ZNF595: variants seen among roughly 807,000 people sequenced by gnomAD.
The protein encoded by ZNF595 is zinc finger protein 595.
Under a neutral mutation model 19.4 loss-of-function variants are expected in ZNF595, and 9 were observed. The ratio of observed to expected loss-of-function variants is 0.46; its 90% CI spans 0.28 to 0.81. ZNF595 has a LOEUF of 0.81. Among genes scored for constraint, ZNF595 ranks in the 30% least tolerant of loss-of-function variants. The pLI is 0.11. For synonymous variants in ZNF595, 255 were observed against 255.9 expected (o/e 1.00, Z 0.03); for missense variants, 729 against 736.0 (o/e 0.99, Z 0.11).
At chr4:66,228 T>A (rs1312579434) in intron 3 of ZNF595, among the ~76,000 whole-genome samples, 1 of 151,718 alleles carries the variant, frequency 6.6e-6, no homozygotes, top group Non-Finnish European at 1.5e-5. Context: ...CTCATTGTGG[T>A]TTTTCTTTAC....
chr4:79,419 C>G (rs971645815), intron 3 of ZNF595, among the ~76,000 whole-genome samples: 2 of 152,108 alleles, frequency 1.3e-5, no homozygotes, highest in Non-Finnish European at 2.9e-5. Flanking sequence ...GTGTAAATAT[C>G]TATTTGAAGT....
rs782445612 is a variant in ZNF595 at position 86,410 on chromosome 4, TAAG to T, written c.909_911del (p.Lys303del). 17 of 1,613,054 alleles carry T rather than the reference TAAG, an allele frequency of 1.1e-5. No homozygotes were observed. The highest frequency in any genetic ancestry group is 1.7e-4 in the Middle Eastern group (1 of 6,050). On this transcript the variant is annotated inframe_deletion, in exon 4 of 4. Coordinates refer to ENST00000610261, the MANE Select transcript of ZNF595 (RefSeq NM_182524.4). ...GATGGTCCACAAGCCTGAATGAACA[TAAG>T]AATATTCATACTGGAGAGAAACCCT...
In ZNF595 at chr4:86,033, G is replaced by C. The variant is rs782774827; in HGVS notation, c.529G>C (p.Glu177Gln). 1 of 1,610,330 alleles carries C rather than the reference G, an allele frequency of 6.2e-7. No individual in the cohort carries two copies. Among genetic ancestry groups the C allele is most frequent in the East Asian group, 2.2e-5 (1 of 44,738 alleles). Residue 177 changes from glutamate (E) to glutamine (Q), a missense_variant, in exon 4 of 4, where the codon GAA (glutamate) becomes CAA (glutamine). By Grantham distance (29) the Glu-to-Gln change is conservative (BLOSUM62 2). Transcript: ENST00000610261. ...TGGAGAGAAACCCTTTAAATGTACA[G>C]AATGTGGCAGATCGTTTTACATGTC... ...HTGEKPFKCTECGRSFYMSHL... is the reference protein window; with the variant it reads ...HTGEKPFKCTQCGRSFYMSHL...
chr4:77,746 T>C (rs1206291524), intron 3 of ZNF595, among the ~76,000 whole-genome samples: 1 of 152,162 alleles, frequency 6.6e-6, no homozygotes, highest in Non-Finnish European at 1.5e-5. Context: ...CTTCAAGAAC[T>C]TTATCAATAA....
chr4:69,673 C>A (rs1713347707), intron 3 of ZNF595, among the ~76,000 whole-genome samples: 2 of 152,226 alleles, frequency 1.3e-5, no homozygotes, highest in South Asian at 4.1e-4. Context: ...CATGTTTTCT[C>A]TAATTTTGTG....
At chr4:76,782 A>G (rs1713681151) in intron 3 of ZNF595, among the ~76,000 whole-genome samples, 1 of 152,074 alleles carries the variant, frequency 6.6e-6, no homozygotes, top group Non-Finnish European at 1.5e-5. Context: ...TCTCACTCCT[A>G]TCTGGCTTGC....
intron 3 of ZNF595, among the ~76,000 whole-genome samples, chr4:81,670 G>C (rs1489585733): frequency 6.6e-6 from 1 of 152,112 alleles, no homozygotes; most frequent in African/African-American, 2.4e-5. Flanking sequence ...CTAACACTCA[G>C]TACACATTAA....
At chr4:79,280 T>C (rs1377552898) in intron 3 of ZNF595, among the ~76,000 whole-genome samples, 2 of 152,222 alleles carry the variant, frequency 1.3e-5, no homozygotes, top group African/African-American at 4.8e-5. Context: ...TATCCTTCTG[T>C]TTTAAAATGA....
chr4:81,225 T>C (rs1159866923), intron 3 of ZNF595, among the ~76,000 whole-genome samples: 2 of 152,240 alleles, frequency 1.3e-5, no homozygotes, highest in African/African-American at 2.4e-5. Context: ...ATTATAATTG[T>C]GTACTACAAT....
rs1581393117 is a variant in ZNF595, at chr4:86,570, A to C, written c.1066A>C (p.Ile356Leu). The change falls in exon 4 of 4, where the codon ATT becomes CTT. Residue 356 changes from isoleucine (I) to leucine (L), a missense_variant. By Grantham distance (5) the Ile-to-Leu change is conservative. Coordinates refer to ENST00000610261, the MANE Select transcript of ZNF595 (RefSeq NM_182524.4). ...GKAFNQSSSLIIHRSIHSEQK... is the reference protein window; with the variant it reads ...GKAFNQSSSLLIHRSIHSEQK... The stretch of plus-strand genomic sequence containing the variant: ...AGCTTTTAACCAATCCTCAAGTCTT[A>C]TTATACACAGGAGCATTCATTCTGA... 2 of 1,613,786 alleles carry C rather than the reference A, an allele frequency of 1.2e-6. No individual in the cohort carries two copies. Among genetic ancestry groups the C allele is most frequent in the South Asian group, 1.1e-5 (1 of 91,042 alleles).
chr4:85,845 G>A lies in ZNF595; in HGVS notation c.341G>A (p.Arg114Lys). 6.2e-7 allele frequency: 1 copy of A among 1,614,004 alleles called. No individual in the cohort carries two copies. Among genetic ancestry groups the A allele is most frequent in the Non-Finnish European group, 8.5e-7 (1 of 1,179,942 alleles). The change falls in exon 4 of 4, where the codon AGA (arginine) becomes AAA (lysine). Residue 114 changes from arginine to lysine, a missense_variant. By Grantham distance (26) the Arg-to-Lys change is conservative. Around this residue, in one of 2 missense-constraint regions of ZNF595, gnomAD observed 729 missense variants for 675.3 expected, o/e 1.08. Transcript: ENST00000610261. Reference protein sequence around the residue: ...EKCGHENLQLRKGCKRVNECK... With the variant: ...EKCGHENLQLKKGCKRVNECK... The stretch of plus-strand genomic sequence containing the variant: ...TGTGGACATGAGAATTTACAATTAA[G>A]AAAAGGCTGTAAACGTGTGAATGAG...
intron 3 of ZNF595, among the ~76,000 whole-genome samples, chr4:78,070 G>C (rs1391575021): frequency 3.3e-5 from 5 of 152,106 alleles, no homozygotes; most frequent in Admixed American, 6.5e-5. Context: ...GTGCAGTGGC[G>C]CGATCTCGGC....
chr4:66,809 G>A (rs1403666321), intron 3 of ZNF595, among the ~76,000 whole-genome samples: 3 of 152,128 alleles, frequency 2.0e-5, no homozygotes, highest in Admixed American at 1.3e-4. Context: ...TTGTCTTCTT[G>A]CAAGTACCAC....
chr4:87,179 T>C lies in ZNF595; in HGVS notation c.1675T>C (p.Ser559Pro), dbSNP rs879976423. Residue 559 changes from serine to proline, a missense_variant, in exon 4 of 4, where the codon TCT (serine) becomes CCT (proline). Transcript: ENST00000610261. Reference protein sequence around the residue: ...TALNEHKKIHSGEKPYKCKEC... With the variant: ...TALNEHKKIHPGEKPYKCKEC... ...CCTGAATGAACATAAGAAAATTCAT[T>C]CTGGAGAGAAACCCTACAAATGCAA... 2.5e-6 allele frequency: 4 copies of C among 1,611,466 alleles called. No homozygotes were observed. Among genetic ancestry groups the C allele is most frequent in the Non-Finnish European group, 3.4e-6 (4 of 1,179,212 alleles).
chr4:85,659 G>T lies in ZNF595; in HGVS notation c.227-72G>T, dbSNP rs1321264417. 1.9e-5 allele frequency: 27 copies of T among 1,453,794 alleles called. No individual in the cohort carries two copies. In the East Asian group the frequency reaches 2.5e-4, roughly 14 times the overall value. 90.1% of individuals were successfully genotyped at this position (1,453,794 alleles called of 1,614,324 possible). A position where few individuals can be genotyped will look rare whatever the true frequency, so the allele number is the denominator to read the frequency against. On this transcript the variant is annotated intron_variant, in intron 3 of 3. Transcript: ENST00000610261. ...ACTAATGCAGTTTGTATACATTTTC[G>T]ATATTACATTCGTAAAGTATATTCA...
intron 3 of ZNF595, among the ~76,000 whole-genome samples, chr4:78,053 G>C (rs190631004): frequency 9.1e-4 from 138 of 152,286 alleles, no homozygotes; most frequent in Admixed American, 1.9e-3. Context: ...CTGTCTCCCA[G>C]GCTGGAGTGC....
intron 3 of ZNF595, among the ~76,000 whole-genome samples, chr4:84,737 T>C (rs1714061766): frequency 6.6e-6 from 1 of 152,196 alleles, no homozygotes; most frequent in Non-Finnish European, 1.5e-5. Context: ...TTTGGAACTT[T>C]CTCACTCATT....
At chr4:73,590 A>G (rs1198677953) in intron 3 of ZNF595, among the ~76,000 whole-genome samples, 1 of 152,214 alleles carries the variant, frequency 6.6e-6, no homozygotes, top group African/African-American at 2.4e-5. Context: ...TTGATAGGGC[A>G]CAAAGGATTG....
intron 3 of ZNF595, among the ~76,000 whole-genome samples, chr4:84,577 A>G (rs1409158147): frequency 2.0e-5 from 3 of 152,220 alleles, no homozygotes; most frequent in African/African-American, 7.2e-5. Context: ...GTTATGTAAG[A>G]CCACACTTAT....
Sources: gnomAD v4.1 joint callset for allele counts (sites outside exome capture counted in the v4.1 genomes callset) on GRCh38, gnomAD v4.1.1 for gene constraint, gnomAD v4.1.1 regional missense constraint, MANE v1.5 for transcripts, NCBI Gene and HGNC (gene_info 2026-07-23, HGNC 2026-07-21) for gene names.